Variants in MYO1F observed in about 807,000 individuals in gnomAD.
The protein encoded by MYO1F is unconventional myosin-If.
A neutral mutation model predicts 146.6 loss-of-function variants in MYO1F; 60 were observed. The ratio of observed to expected loss-of-function variants is 0.41; its 90% CI spans 0.33 to 0.51. MYO1F has a LOEUF of 0.51. Ranked by LOEUF, MYO1F falls within the 20% of genes least tolerant of loss-of-function variation. The probability of loss-of-function intolerance (pLI) is 0.25; values close to 1 mark genes in which losing one functional copy is unlikely to be tolerated. For missense variants in MYO1F, 1,274 were observed against 1,534.3 expected, an observed-to-expected ratio of 0.83 and a Z score of 2.83; for synonymous variants, 602 against 602.1, an observed-to-expected ratio of 1.00 and a Z score of 0.00.
At chr19:8,536,651 G>A (rs562451544) in intron 17 of MYO1F, 54 bp from the exon 18 acceptor site, 2 of 1,030,710 alleles carry the variant, frequency 1.9e-6, no homozygotes, top group African/African-American at 1.7e-5. Flanking sequence ...CCAGTCCTGG[G>A]GGTGGGTGGG....
Position 8,553,892 on chromosome 19 carries a change from A to ACT in MYO1F, c.327-456_327-455insAG, listed in dbSNP as rs569819927. ...GTCACACACACACACACACACACAC[A>ACT]CACTCTCTCTCTCTCTCTCTCTCTC... On this transcript the variant is annotated intron_variant, in intron 4 of 27. Transcript: ENST00000644032. Among the ~76,000 whole-genome samples the ACT allele has an allele frequency of 7.8e-3, 819 of 105,186 alleles. 5 individuals are homozygous for ACT. Among genetic ancestry groups the ACT allele is most frequent in the South Asian group, 0.027 (79 of 2,898 alleles). 69.0% of individuals were successfully genotyped at this position (105,186 alleles called of 152,430 possible). A position where few individuals can be genotyped will look rare whatever the true frequency, so the allele number is the denominator to read the frequency against.
intron 1 of MYO1F, among the ~76,000 whole-genome samples, chr19:8,561,470 CTTTCTT>C (rs1408157369): frequency 7.9e-6 from 1 of 126,504 alleles, no homozygotes; most frequent in Admixed American, 7.9e-5. Flanking sequence ...CTCTCTCTCT[CTTTCTT>C]TTTCTCTTTC....
chr19:8,525,437 C>T (rs1470436649), intron 25 of MYO1F, 42 bp downstream of exon 25: 1 of 1,557,826 alleles, frequency 6.4e-7, no homozygotes, highest in Admixed American at 1.7e-5. Context: ...CCATGGGACC[C>T]ACAACAGACA....
chr19:8,560,355 C>G (rs929427246), intron 1 of MYO1F, among the ~76,000 whole-genome samples: 2 of 151,562 alleles, frequency 1.3e-5, no homozygotes, highest in Non-Finnish European at 2.9e-5. Context: ...TGTGGGGGTG[C>G]GCGCCTGTAA....
Position 8,550,611 on chromosome 19 carries a change from G to A in MYO1F, c.855C>T (p.Asn285=), listed in dbSNP as rs1195607613. 2.5e-6 allele frequency: 4 copies of A among 1,614,000 alleles called. No individual in the cohort carries two copies. Among genetic ancestry groups the A allele is most frequent in the Non-Finnish European group, 3.4e-6 (4 of 1,180,036 alleles). ...AATTCCCGTCTTCACAGAAACTGATGTTCCCCAGGTGCAAGATCCCCGCCA... is the reference window on the plus strand; with the variant it reads ...AATTCCCGTCTTCACAGAAACTGATATTCCCCAGGTGCAAGATCCCCGCCA... ...QLVAGILHLG[N]ISFCEDGNYA... is the part of the protein sequence containing the mutation. Residue 285 remains asparagine (N), a synonymous_variant, in exon 9 of 28, where the codon AAC becomes AAT. Coordinates refer to ENST00000644032, the MANE Select transcript of MYO1F (RefSeq NM_012335.4).
chr19:8,574,613 CTT>C (rs782301949), intron 1 of MYO1F, among the ~76,000 whole-genome samples: 10,037 of 64,870 alleles, frequency 0.15, 566 homozygotes, highest in Middle Eastern at 0.23. Context: ...TTCTTTCTTT[CTT>C]TCTTTCTTTC....
chr19:8,564,816 A>C (rs942278858), intron 1 of MYO1F, among the ~76,000 whole-genome samples: 33 of 151,656 alleles, frequency 2.2e-4, no homozygotes, highest in Non-Finnish European at 4.6e-4. Context: ...TCTGTCACCC[A>C]GGCTGGAGTG....
chr19:8,567,932 C>T (rs2042035841), intron 1 of MYO1F, among the ~76,000 whole-genome samples: 3 of 152,352 alleles, frequency 2.0e-5, no homozygotes, highest in South Asian at 4.1e-4. Context: ...GCCACTTCCC[C>T]TCACTGGGGT....
At chr19:8,546,850 T>C (rs1973380200) in intron 12 of MYO1F, among the ~76,000 whole-genome samples, 1 of 152,056 alleles carries the variant, frequency 6.6e-6, no homozygotes, top group South Asian at 2.1e-4. Context: ...GGCTAAGTTT[T>C]ATATTTTTAG....
At chr19:8,569,855 C>T (rs923411812) in intron 1 of MYO1F, among the ~76,000 whole-genome samples, 5 of 152,142 alleles carry the variant, frequency 3.3e-5, no homozygotes, top group African/African-American at 1.2e-4. Flanking sequence ...CATGTGGGGT[C>T]AGCACATAGT....
intron 15 of MYO1F, among the ~76,000 whole-genome samples, chr19:8,540,909 A>G (rs1310788892): frequency 6.6e-6 from 1 of 152,048 alleles, no homozygotes; most frequent in Non-Finnish European, 1.5e-5. Context: ...GATAGTTCTA[A>G]ACCTGATTGT....
chr19:8,527,373 T>C lies in MYO1F; in HGVS notation c.2439A>G (p.Lys813=). 1 of 1,614,084 alleles carries C rather than the reference T, an allele frequency of 6.2e-7. No individual in the cohort carries two copies. Among genetic ancestry groups the C allele is most frequent in the Non-Finnish European group, 8.5e-7 (1 of 1,180,014 alleles). ...KGQVCEVLKK[K]VDIQALRGVS... ...CTCCCCGCAGAGCCTGGATGTCCAC[T>C]TTCTTCTTCAAGACTTCACACACCT... is the stretch of plus-strand genomic sequence containing the variant. Residue 813 remains lysine (K), a synonymous_variant, in exon 22 of 28, where the codon AAA becomes AAG. Transcript: ENST00000644032.
chr19:8,538,710 C>T (rs1420694034), intron 16 of MYO1F, among the ~76,000 whole-genome samples: 2 of 151,946 alleles, frequency 1.3e-5, no homozygotes, highest in African/African-American at 4.8e-5. Flanking sequence ...GCCTCAGCCT[C>T]CCAAGTAGCT....
rs1273950897 is a variant in MYO1F at position 8,552,183 on chromosome 19, T to C, written c.505-19A>G. 11 of 1,613,752 alleles carry C rather than the reference T, an allele frequency of 6.8e-6. No homozygotes were observed. The East Asian group carries it at 8.9e-5, about 13-fold the overall frequency. ...ACTTGCCCTGAATCCGAGAGAACCA[T>C]GTCAGCACCCCAGTGTCCTGGGGTG... On this transcript the variant is annotated intron_variant, in intron 6 of 27. Coordinates refer to ENST00000644032, the MANE Select transcript of MYO1F (RefSeq NM_012335.4).
chr19:8,546,284 G>A (rs184176681), intron 12 of MYO1F, among the ~76,000 whole-genome samples: 1 of 151,338 alleles, frequency 6.6e-6, no homozygotes, highest in Admixed American at 6.6e-5. Flanking sequence ...GGCTGGTCTC[G>A]AACTCCCAAC....
chr19:8,541,844 G>T, intron 15 of MYO1F, 62 bp downstream of exon 15: 1 of 1,477,224 alleles, frequency 6.8e-7, no homozygotes, highest in Non-Finnish European at 9.4e-7. Flanking sequence ...AGTGGGGCCC[G>T]GTCCTCCCTC....
chr19:8,521,184 C>A lies in MYO1F; in HGVS notation c.*344G>T, dbSNP rs1028128399. On this transcript the variant is annotated 3_prime_UTR_variant, in exon 28 of 28. Transcript: ENST00000644032. ...AGTCACGCTTGTTAAGGACCCCCCC[C>A]TCCCCAACTGTGCCTGGCACTTTGC... 2.6e-6 allele frequency: 1 copy of A among 387,684 alleles called. No homozygotes were observed. The highest frequency in any genetic ancestry group is 4.9e-6 in the Non-Finnish European group (1 of 203,148). The allele number at this position is 387,684 out of a possible 1,614,324, so 24.0% of individuals were successfully genotyped here. A position where few individuals can be genotyped will look rare whatever the true frequency, so the allele number is the denominator to read the frequency against.
intron 17 of MYO1F, 61 bp from the exon 18 acceptor site, chr19:8,536,658 T>A: frequency 2.7e-5 from 1 of 36,564 alleles, no homozygotes; most frequent in South Asian, 1.5e-4. Context: ...TGGGGGTGGG[T>A]GGGAGGTGCT....
rs370105681 is a variant in MYO1F, at chr19:8,536,392, C to A, written c.1903G>T (p.Ala635Ser). ...GGCCACGTCTCGGGGGTCAGAATGGCATACCTGAGGGCGGAGGGCTGGGGT... is the reference window on the plus strand; with the variant it reads ...GGCCACGTCTCGGGGGTCAGAATGGAATACCTGAGGGCGGAGGGCTGGGGT... ...RQFAKFLQRY[A>S]ILTPETWPRW... The change falls in exon 19 of 28, where the codon GCC becomes TCC. Residue 635 changes from alanine (A) to serine (S), a missense_variant. Physicochemically the swap from Ala to Ser is moderately conservative, Grantham distance 99. Transcript: ENST00000644032. 7.3e-5 allele frequency: 117 copies of A among 1,606,332 alleles called. No homozygotes were observed. The highest frequency in any genetic ancestry group is 9.3e-5 in the Non-Finnish European group (110 of 1,179,772).
Sources: gnomAD v4.1 joint callset for allele counts (sites outside exome capture counted in the v4.1 genomes callset) on GRCh38, gnomAD v4.1.1 for gene constraint, MANE v1.5 for transcripts, NCBI Gene and HGNC (gene_info 2026-07-23, HGNC 2026-07-21) for gene names.